CFAP70: variants seen among roughly 807,000 people sequenced by gnomAD.
The protein encoded by CFAP70 is cilia- and flagella-associated protein 70.
In CFAP70, 81 loss-of-function variants were observed where a neutral mutation model predicts 137.6. That is an observed-to-expected ratio of 0.59 (90% CI 0.49 to 0.71). The LOEUF (loss-of-function observed/expected upper bound fraction) is 0.71. Ranked by LOEUF, CFAP70 falls within the 30% of genes least tolerant of loss-of-function variation. The pLI is 0.00. For synonymous variants in CFAP70, 382 were observed against 423.6 expected (o/e 0.90, Z 1.20); for missense variants, 976 against 1,226.7 (o/e 0.80, Z 3.05).
chr10:73,291,714 T>C, exon 18 of CFAP70: 1 of 1,614,130 alleles, frequency 6.2e-7, no homozygotes, highest in East Asian at 2.2e-5. Flanking sequence ...TGCTTGCTCA[T>C]AGTTCTCCAA....
At chr10:73,361,105 T>C (rs1347046221), upstream of CFAP70, among the ~76,000 whole-genome samples, 2 of 151,910 alleles carry the variant, frequency 1.3e-5, no homozygotes, top group Non-Finnish European at 2.9e-5. Context: ...GTCAAGTGAT[T>C]CTTGTGCCTC....
intron 7 of CFAP70, 95 bp from the exon 9 acceptor site, chr10:73,331,371 T>C (rs528781891): frequency 1.6e-5 from 17 of 1,043,758 alleles, no homozygotes; most frequent in East Asian, 5.6e-5. Context: ...GAAAGTAATA[T>C]AGAATATACA....
intron 19 of CFAP70, among the ~76,000 whole-genome samples, chr10:73,290,810 T>C (rs1486846761): frequency 6.6e-6 from 1 of 152,146 alleles, no homozygotes; most frequent in Non-Finnish European, 1.5e-5. Flanking sequence ...TTAAAGACAG[T>C]AAATTCTCTA....
At chr10:73,360,606 A>G (rs181272510), upstream of CFAP70, among the ~76,000 whole-genome samples, 83 of 152,374 alleles carry the variant, frequency 5.4e-4, no homozygotes, top group Non-Finnish European at 7.9e-4. Context: ...TTTTATTTAT[A>G]TGAATAAAGA....
At chr10:73,350,129 C>G (rs911003273) in intron 3 of CFAP70, among the ~76,000 whole-genome samples, 1 of 152,242 alleles carries the variant, frequency 6.6e-6, no homozygotes, top group African/African-American at 2.4e-5. Context: ...ACAGTCCCCC[C>G]TTTCCACATA....
At chr10:73,281,007 A>G (rs964055559) in intron 19 of CFAP70, among the ~76,000 whole-genome samples, 5 of 151,870 alleles carry the variant, frequency 3.3e-5, no homozygotes, top group Admixed American at 3.3e-4. Context: ...TTGATTTTAG[A>G]CTTCTCTTAT....
At chr10:73,315,971 C>T (rs1564830156) in intron 9 of CFAP70, among the ~76,000 whole-genome samples, 2 of 152,092 alleles carry the variant, frequency 1.3e-5, no homozygotes, top group East Asian at 3.8e-4. Context: ...TTGGGTTTTG[C>T]TTCAAGTATT....
intron 15 of CFAP70, 32 bp from the exon 17 acceptor site, chr10:73,293,420 A>T: frequency 6.5e-7 from 1 of 1,542,556 alleles, no homozygotes; most frequent in Non-Finnish European, 8.7e-7. Flanking sequence ...GGTAGACAAA[A>T]ATGAAACAAT....
At chr10:73,261,589 C>A (rs2045197034) in intron 25 of CFAP70, among the ~76,000 whole-genome samples, 1 of 152,134 alleles carries the variant, frequency 6.6e-6, no homozygotes, top group South Asian at 2.1e-4. Context: ...GAGCCACCCC[C>A]ATAATTCAAT....
chr10:73,361,153 C>T (rs2132620438), upstream of CFAP70, among the ~76,000 whole-genome samples: 1 of 152,140 alleles, frequency 6.6e-6, no homozygotes, highest in South Asian at 2.1e-4. Flanking sequence ...CACCCATCAC[C>T]ACGCCCGGCT....
exon 9 of CFAP70, chr10:73,323,083 A>G: frequency 6.2e-7 from 1 of 1,612,470 alleles, no homozygotes; most frequent in Non-Finnish European, 8.5e-7. Context: ...ACGAAAGCTG[A>G]GCTTCTTCAT....
intron 21 of CFAP70, chr10:73,276,383 T>C (rs1019558112): frequency 1.3e-5 from 2 of 152,256 alleles, no homozygotes; most frequent in Non-Finnish European, 2.9e-5. Flanking sequence ...TTCTACATTA[T>C]ACTTACACCT....
In CFAP70 at chr10:73,299,801, T is replaced by C. The variant is rs530849423; in HGVS notation, c.1257-136A>G. 61 of 593,202 alleles carry C rather than the reference T, an allele frequency of 1.0e-4. No individual in the cohort carries two copies. The South Asian group carries it at 1.1e-3, about 10-fold the overall frequency. The allele number at this position is 593,202 out of a possible 1,614,324, so 36.7% of individuals were successfully genotyped here. ...CTGTTCCCCCACTGCACTTGAGCAC[T>C]GTGCTGTTCTCTCATGTAAAACCCT... is the stretch of plus-strand genomic sequence containing the variant. On this transcript the variant is annotated intron_variant, in intron 12 of 26. Transcript: ENST00000310715.
At chr10:73,355,703 G>A (rs565268686) in intron 1 of CFAP70, among the ~76,000 whole-genome samples, 17 of 152,244 alleles carry the variant, frequency 1.1e-4, no homozygotes, top group African/African-American at 3.9e-4. Flanking sequence ...GCTTGAACAC[G>A]GCAGGCAGAG....
intron 12 of CFAP70, among the ~76,000 whole-genome samples, chr10:73,301,329 A>T (rs1386499520): frequency 1.3e-5 from 2 of 152,122 alleles, no homozygotes; most frequent in African/African-American, 4.8e-5. Flanking sequence ...GATAGTGAGT[A>T]AGTGCTTGCA....
chr10:73,344,162 C>T (rs558131054), intron 5 of CFAP70, among the ~76,000 whole-genome samples: 1 of 152,034 alleles, frequency 6.6e-6, no homozygotes, highest in Non-Finnish European at 1.5e-5. Context: ...CAGGGTTTCA[C>T]CATGTTGGCC....
Position 73,260,519 on chromosome 10 carries a change from A to G in CFAP70, c.3028-4103T>C, listed in dbSNP as rs555495968. Reference sequence around the variant, plus strand: ...TATAAAAAAATAGCTATATTAAGGCATAACTTACATACCATAAAATTCACT... The same window carrying G: ...TATAAAAAAATAGCTATATTAAGGCGTAACTTACATACCATAAAATTCACT... On this transcript the variant is annotated intron_variant, in intron 25 of 26. Coordinates refer to ENST00000310715, the Ensembl canonical transcript of CFAP70. Among the ~76,000 whole-genome samples the G allele has an allele frequency of 4.0e-4, 61 of 152,274 alleles. 1 individual carries two copies. In the South Asian group the frequency reaches 0.012, roughly 31 times the overall value.
At chr10:73,296,911 G>A in intron 15 of CFAP70, 131 bp downstream of exon 16, 1 of 1,068,064 alleles carries the variant, frequency 9.4e-7, no homozygotes, top group Non-Finnish European at 1.3e-6. Context: ...ACTCATCTTT[G>A]TGTTTTCAGT....
At chr10:73,287,867 CTAT>C (rs2047859260) in intron 19 of CFAP70, among the ~76,000 whole-genome samples, 4 of 151,606 alleles carry the variant, frequency 2.6e-5, no homozygotes, top group Admixed American at 2.6e-4. Flanking sequence ...ATCTATCTAT[CTAT>C]CTATCTATCT....
Sources: allele counts gnomAD v4.1 joint callset (sites outside exome capture counted in the v4.1 genomes callset), GRCh38; gene constraint gnomAD v4.1.1; transcripts MANE v1.5; gene names NCBI Gene and HGNC (gene_info 2026-07-23, HGNC 2026-07-21).